Variants in ANKS1A observed in about 807,000 individuals in gnomAD.
The protein encoded by ANKS1A is ankyrin repeat and sterile alpha motif domain containing 1A.
In ANKS1A, 55 loss-of-function variants were observed where a neutral mutation model predicts 120.3. The observed-to-expected ratio is 0.46, with a 90% CI of 0.37 to 0.57. The LOEUF (loss-of-function observed/expected upper bound fraction) is 0.57. ANKS1A is among the 20% of genes least tolerant of loss of function. The pLI, the probability that ANKS1A is intolerant of heterozygous loss-of-function variation, is 0.00. For synonymous variants in ANKS1A, 590 were observed against 604.7 expected, an observed-to-expected ratio of 0.98 and a Z score of 0.36; for missense variants, 1,123 against 1,480.3, an observed-to-expected ratio of 0.76 and a Z score of 3.96.
intron 1 of ANKS1A, among the ~76,000 whole-genome samples, chr6:34,927,778 C>G (rs1477808798): frequency 1.3e-5 from 2 of 152,144 alleles, no homozygotes; most frequent in Non-Finnish European, 2.9e-5. Context: ...CTAATCCTGC[C>G]TGAATGGCTG....
At chr6:35,052,489 T>C (rs547921347) in intron 11 of ANKS1A, among the ~76,000 whole-genome samples, 11 of 150,722 alleles carry the variant, frequency 7.3e-5, no homozygotes, top group South Asian at 2.1e-4. Flanking sequence ...CAAGGCATGG[T>C]GGCACCTACC....
chr6:35,024,103 A>G (rs546856486), intron 11 of ANKS1A, among the ~76,000 whole-genome samples: 1 of 152,316 alleles, frequency 6.6e-6, no homozygotes, highest in South Asian at 2.1e-4. Flanking sequence ...CCCACTTCCT[A>G]CTATAAGAAA....
Position 35,017,719 on chromosome 6 carries a change from C to T in ANKS1A, c.1670C>T (p.Pro557Leu), listed in dbSNP as rs886787205. 3 of 1,613,940 alleles carry T rather than the reference C, an allele frequency of 1.9e-6. No individual in the cohort carries two copies. The highest frequency in any genetic ancestry group is 2.5e-6 in the Non-Finnish European group (3 of 1,180,030). ...GTGCATGCTCCTGGAGCCTCCCAGC[C>T]CAGTGCCCTGGACCAGAGCAAGAGA... ...TGVHAPGASQ[P>L]SALDQSKRVG... The change falls in exon 11 of 24, where the codon CCC becomes CTC. Residue 557 changes from proline to leucine, a missense_variant. Coordinates refer to ENST00000360359, the MANE Select transcript of ANKS1A (RefSeq NM_015245.3).
At chr6:34,974,970 G>A (rs574968898) in intron 3 of ANKS1A, among the ~76,000 whole-genome samples, 182 of 152,238 alleles carry the variant, frequency 1.2e-3, no homozygotes, top group Middle Eastern at 6.8e-3. Flanking sequence ...TCCCAACAGT[G>A]GTTAATTTAG....
At chr6:35,011,897 A>G (rs1042576620) in intron 10 of ANKS1A, among the ~76,000 whole-genome samples, 3 of 152,170 alleles carry the variant, frequency 2.0e-5, no homozygotes, top group African/African-American at 7.2e-5. Context: ...TGATTATGTC[A>G]TTGTATATCT....
intron 1 of ANKS1A, among the ~76,000 whole-genome samples, chr6:34,948,784 G>T (rs900073536): frequency 2.0e-5 from 3 of 152,182 alleles, no homozygotes; most frequent in African/African-American, 7.2e-5. Flanking sequence ...TTGTTTATCT[G>T]TCCACTGGAC....
At chr6:34,938,556 G>A (rs1484418503) in intron 1 of ANKS1A, among the ~76,000 whole-genome samples, 1 of 152,178 alleles carries the variant, frequency 6.6e-6, no homozygotes, top group Non-Finnish European at 1.5e-5. Flanking sequence ...CCCCCAAGAA[G>A]CCTATTTTGG....
intron 1 of ANKS1A, among the ~76,000 whole-genome samples, chr6:34,915,824 A>G (rs958978951): frequency 2.0e-5 from 3 of 151,350 alleles, no homozygotes; most frequent in African/African-American, 7.3e-5. Context: ...TCTCTGAGCC[A>G]CTCTATTTTG....
rs111354839 is a variant in ANKS1A at position 35,048,322 on chromosome 6, C to T, written c.2011-5777C>T. Among the ~76,000 whole-genome samples the T allele has an allele frequency of 7.6e-3, 1,164 of 152,242 alleles. 5 individuals carry two copies. The highest frequency in any genetic ancestry group is 0.018 in the South Asian group (89 of 4,816). ...ACATGGTAACAACCCAAATGCCCCA[C>T]GGTAAGACACAGCTGAAGTGGAGAC... On this transcript the variant is annotated intron_variant, in intron 11 of 23. Transcript: ENST00000360359.
intron 1 of ANKS1A, among the ~76,000 whole-genome samples, chr6:34,938,036 C>G (rs965070672): frequency 1.3e-5 from 2 of 152,156 alleles, no homozygotes; most frequent in Non-Finnish European, 2.9e-5. Flanking sequence ...ACTTAGGGCA[C>G]CTATTGACCT....
intron 11 of ANKS1A, among the ~76,000 whole-genome samples, chr6:35,025,287 ATGTG>A (rs369342625): frequency 6.7e-6 from 1 of 148,712 alleles, no homozygotes; most frequent in African/African-American, 2.5e-5. Flanking sequence ...TATGTATGCG[ATGTG>A]TGTGTGTGTG....
intron 19 of ANKS1A, 25 bp from the exon 20 acceptor site, chr6:35,083,392 C>G: frequency 6.2e-7 from 1 of 1,611,948 alleles, no homozygotes; most frequent in Middle Eastern, 1.7e-4. Flanking sequence ...GGGGCACTGA[C>G]AGGGCCACCC....
intron 1 of ANKS1A, among the ~76,000 whole-genome samples, chr6:34,947,906 G>A (rs1186500243): frequency 6.6e-6 from 1 of 152,162 alleles, no homozygotes; most frequent in Non-Finnish European, 1.5e-5. Flanking sequence ...TAGCAAATTT[G>A]GGAGGTTGAT....
In ANKS1A at chr6:34,924,119, G is replaced by C. The variant is rs146697858; in HGVS notation, c.197+34520G>C. Among the ~76,000 whole-genome samples the C allele has an allele frequency of 8.0e-4, 122 of 151,686 alleles. 1 individual carries two copies. The East Asian group carries it at 0.014, about 17-fold the overall frequency. On this transcript the variant is annotated intron_variant, in intron 1 of 23. Transcript: ENST00000360359. The stretch of plus-strand genomic sequence containing the variant: ...TGTGTGTGTGTGTGTGTGTGTGTGT[G>C]TGTGTGTGTATTTTTCTTTTCCCCT...
At chr6:34,938,880 C>T (rs780705574) in intron 1 of ANKS1A, among the ~76,000 whole-genome samples, 26 of 152,254 alleles carry the variant, frequency 1.7e-4, no homozygotes, top group African/African-American at 4.1e-4. Flanking sequence ...CCCACCTACG[C>T]GGACGGCTGA....
chr6:35,091,077 G>A lies in ANKS1A; in HGVS notation c.*2468G>A, dbSNP rs541482646. The A allele has an allele frequency of 3.8e-5, 37 of 985,800 alleles. No individual in the cohort carries two copies. The highest frequency in any genetic ancestry group is 3.7e-4 in the Admixed American group (6 of 16,276). 61.1% of individuals were successfully genotyped at this position (985,800 alleles called of 1,614,324 possible). A position where few individuals can be genotyped will look rare whatever the true frequency, so the allele number is the denominator to read the frequency against. ...TGTCTTTGAGATGCCCAGGCCAGCA[G>A]AAAGCAGCTCAGAAGTATTGTTGCT... On this transcript the variant is annotated 3_prime_UTR_variant, in exon 24 of 24. Transcript: ENST00000360359.
At chr6:34,939,653 C>T (rs939967661) in intron 1 of ANKS1A, among the ~76,000 whole-genome samples, 3 of 151,684 alleles carry the variant, frequency 2.0e-5, no homozygotes, top group Non-Finnish European at 4.4e-5. Flanking sequence ...TTCCAGGTTA[C>T]AATGAGCTAT....
chr6:34,894,892 G>A (rs1766995633), intron 1 of ANKS1A, among the ~76,000 whole-genome samples: 1 of 152,176 alleles, frequency 6.6e-6, no homozygotes, highest in Non-Finnish European at 1.5e-5. Context: ...AATAAGAAAA[G>A]AGGAAGCCAA....
At chr6:35,003,730 A>G (rs1773286755) in intron 10 of ANKS1A, among the ~76,000 whole-genome samples, 1 of 152,214 alleles carries the variant, frequency 6.6e-6, no homozygotes, top group Admixed American at 6.5e-5. Flanking sequence ...TACTATATGA[A>G]TCACTATCAA....
Sources: gnomAD v4.1 joint callset for allele counts (sites outside exome capture counted in the v4.1 genomes callset) on GRCh38, gnomAD v4.1.1 for gene constraint, MANE v1.5 for transcripts, NCBI Gene and HGNC (gene_info 2026-07-23, HGNC 2026-07-21) for gene names.